Variants in PTPRN2 observed in about 807,000 individuals in gnomAD.
PTPRN2 encodes protein tyrosine phosphatase receptor type N2.
In PTPRN2, 74 loss-of-function variants were observed where a neutral mutation model predicts 118.8. That is an observed-to-expected ratio of 0.62 (90% CI 0.52 to 0.76). The LOEUF (loss-of-function observed/expected upper bound fraction) is 0.76, where lower values mean the gene tolerates loss of function less well. Ranked by LOEUF, PTPRN2 falls within the 30% of genes least tolerant of loss-of-function variation. The pLI is 0.00. For synonymous variants in PTPRN2, 641 were observed against 608.0 expected, an observed-to-expected ratio of 1.05 and a Z score of -0.80; for missense variants, 1,481 against 1,394.4, an observed-to-expected ratio of 1.06 and a Z score of -0.99.
intron 1 of PTPRN2, among the ~76,000 whole-genome samples, chr7:158,520,109 G>A (rs183150803): frequency 7.9e-5 from 12 of 152,256 alleles, no homozygotes; most frequent in South Asian, 2.1e-4. Flanking sequence ...ACAAAACAAC[G>A]GCAATGCCAA....
intron 2 of PTPRN2, among the ~76,000 whole-genome samples, chr7:158,378,258 C>T (rs1168562666): frequency 6.6e-6 from 1 of 152,176 alleles, no homozygotes; most frequent in African/African-American, 2.4e-5. Context: ...TGGAGGCTGT[C>T]CCCTCAGCTC....
intron 12 of PTPRN2, among the ~76,000 whole-genome samples, chr7:157,788,195 G>A (rs1364111736): frequency 6.6e-6 from 1 of 152,092 alleles, no homozygotes; most frequent in Non-Finnish European, 1.5e-5. Flanking sequence ...CTAACATGGT[G>A]AAACTCCGTC....
At chr7:158,270,780 A>AC (rs1563067179) in intron 3 of PTPRN2, among the ~76,000 whole-genome samples, 1 of 67,636 alleles carries the variant, frequency 1.5e-5, no homozygotes, top group Non-Finnish European at 2.7e-5. Flanking sequence ...GTCCACCTGG[A>AC]CCACCCCTCC....
At chr7:158,011,777 A>G (rs891187699) in intron 11 of PTPRN2, among the ~76,000 whole-genome samples, 3 of 152,194 alleles carry the variant, frequency 2.0e-5, no homozygotes, top group Non-Finnish European at 4.4e-5. Flanking sequence ...ACCCACAGAG[A>G]AAGTGAGAGC....
chr7:158,430,715 G>C (rs983861052), intron 2 of PTPRN2, among the ~76,000 whole-genome samples: 1 of 152,246 alleles, frequency 6.6e-6, no homozygotes, highest in Admixed American at 6.5e-5. Flanking sequence ...CCGCAGCCCG[G>C]CCTGGATTTC....
intron 1 of PTPRN2, among the ~76,000 whole-genome samples, chr7:158,550,260 C>T (rs1169274871): frequency 3.3e-5 from 5 of 152,192 alleles, no homozygotes; most frequent in Non-Finnish European, 7.3e-5. Context: ...GGAAGGGTCA[C>T]GGATGCTGCC....
rs1802977821 is a variant in PTPRN2 at position 157,618,957 on chromosome 7, C to T, written c.2344+2405G>A. Among the ~76,000 whole-genome samples the T allele has an allele frequency of 2.0e-5, 3 of 152,072 alleles. No individual in the cohort carries two copies. The highest frequency in any genetic ancestry group is 7.2e-5 in the African/African-American group (3 of 41,402). ...GTCTCGGGAGGGAGGTGCTTTCCCC[C>T]TCACCCGTCACCTGGCTCAGAATGG... On this transcript the variant is annotated intron_variant, in intron 15 of 22. Transcript: ENST00000389418. This position sits in a 1 kb window ranked among gnomAD's most constrained non-coding sequence, Gnocchi z 4.2.
At chr7:158,120,930 G>A (rs1817118677) in intron 9 of PTPRN2, among the ~76,000 whole-genome samples, 1 of 152,194 alleles carries the variant, frequency 6.6e-6, no homozygotes, top group East Asian at 1.9e-4. Context: ...CTCCACCCCG[G>A]CTGAGACCAG....
chr7:158,334,658 T>G (rs1586330852), intron 2 of PTPRN2, among the ~76,000 whole-genome samples: 1 of 80,592 alleles, frequency 1.2e-5, no homozygotes, highest in Admixed American at 1.3e-4. Context: ...CCATAATTGG[T>G]GACACCTGCA....
rs1798525395 is a variant in PTPRN2, at chr7:157,550,209, G to A, written c.2903-1190C>T. ...AATTTCCTTTCCCTGTGGTTCTGTG[G>A]CTTCATGGGGTGGCAACTGTGAAGC... is the stretch of plus-strand genomic sequence containing the variant. On this transcript the variant is annotated intron_variant, in intron 21 of 22. Transcript: ENST00000389418. This position sits in a 1 kb window ranked among gnomAD's most constrained non-coding sequence, Gnocchi z 5.2. Among the ~76,000 whole-genome samples the A allele has an allele frequency of 1.3e-5, 2 of 152,188 alleles. No individual in the cohort carries two copies.
At chr7:157,703,314 G>C (rs1044299547) in intron 12 of PTPRN2, among the ~76,000 whole-genome samples, 1 of 152,236 alleles carries the variant, frequency 6.6e-6, no homozygotes, top group Non-Finnish European at 1.5e-5. Context: ...TCTGCTGCCA[G>C]GTGGTGGCGG....
At position 157,930,357 on chromosome 7, in the gene PTPRN2, C is replaced by T. The variant is rs139165512; in HGVS notation, c.1724-31620G>A. On this transcript the variant is annotated intron_variant, in intron 11 of 22. Transcript: ENST00000389418. ...ATAATAAAACATTCCTGGTGCCCCT[C>T]GTGATTCGCAGCCTCCTGAGAGGGG... Among the ~76,000 whole-genome samples, 26 of 152,330 alleles carry T rather than the reference C, an allele frequency of 1.7e-4. No individual in the cohort carries two copies. In the East Asian group the frequency reaches 4.1e-3, roughly 24 times the overall value.
chr7:157,971,317 G>A (rs1388793307), intron 11 of PTPRN2, among the ~76,000 whole-genome samples: 1 of 152,124 alleles, frequency 6.6e-6, no homozygotes, highest in Non-Finnish European at 1.5e-5. Context: ...AAGATTTCTG[G>A]AAGAAAAATG....
chr7:157,908,839 C>A (rs561842530), intron 11 of PTPRN2, among the ~76,000 whole-genome samples: 23 of 152,102 alleles, frequency 1.5e-4, no homozygotes, highest in Admixed American at 1.3e-3. Flanking sequence ...CACATTAAAT[C>A]TTTTTGAAGA....
intron 11 of PTPRN2, among the ~76,000 whole-genome samples, chr7:157,996,582 C>T (rs964531804): frequency 2.0e-5 from 3 of 152,184 alleles, no homozygotes; most frequent in African/African-American, 4.8e-5. Context: ...CCCCGAGGGC[C>T]GGTCCCCCAT....
intron 2 of PTPRN2, among the ~76,000 whole-genome samples, chr7:158,452,077 C>T (rs372864031): frequency 1.9e-4 from 29 of 152,214 alleles, no homozygotes; most frequent in African/African-American, 5.1e-4. Context: ...AATACCCATA[C>T]GCATTTGGGT....
intron 12 of PTPRN2, among the ~76,000 whole-genome samples, chr7:157,872,399 CCACACACATACCCAGTGTCTTTCCCA>C (rs1811152952): frequency 3.0e-5 from 3 of 100,600 alleles, no homozygotes; most frequent in African/African-American, 4.8e-5. Context: ...TGTCCTCCCC[CCACACACATACCCAGTGTCTTTCCCA>C]CACACACATA....
chr7:158,342,032 C>G (rs560205482), intron 2 of PTPRN2, among the ~76,000 whole-genome samples: 18 of 147,682 alleles, frequency 1.2e-4, no homozygotes, highest in African/African-American at 4.1e-4. Context: ...CACACTCTCA[C>G]CATAAGAGCT....
intron 1 of PTPRN2, among the ~76,000 whole-genome samples, chr7:158,567,851 G>A (rs945857877): frequency 2.4e-4 from 36 of 152,296 alleles, no homozygotes; most frequent in African/African-American, 7.9e-4. Flanking sequence ...GCCCAGGTGT[G>A]CAAGATGGGG....
Sources: gnomAD v4.1 joint callset for allele counts (sites outside exome capture counted in the v4.1 genomes callset) on GRCh38, gnomAD v4.1.1 for gene constraint, Gnocchi (gnomAD v3.1) non-coding constraint, MANE v1.5 for transcripts, NCBI Gene and HGNC (gene_info 2026-07-23, HGNC 2026-07-21) for gene names.